RTEL1: variants seen among roughly 807,000 people sequenced by gnomAD.
RTEL1 encodes regulator of telomere length.
Under a neutral mutation model 162.2 loss-of-function variants are expected in RTEL1, and 86 were observed. That is an observed-to-expected ratio of 0.53 (90% CI 0.45 to 0.63). The LOEUF is 0.63. Among genes scored for constraint, RTEL1 ranks in the 30% least tolerant of loss-of-function variants. The pLI is 0.00. For synonymous variants in RTEL1, 958 were observed against 717.9 expected (o/e 1.33, Z -5.35); for missense variants, 1,941 against 1,750.2 (o/e 1.11, Z -1.95).
At chr20:63,660,462 A>G (rs2089996812) in intron 2 of RTEL1, among the ~76,000 whole-genome samples, 1 of 152,324 alleles carries the variant, frequency 6.6e-6, no homozygotes, top group South Asian at 2.1e-4. Flanking sequence ...CTGTAAACAT[A>G]TTGTTAACAA....
At chr20:63,681,486 G>T in intron 14 of RTEL1, 1 of 985,274 alleles carries the variant, frequency 1.0e-6, no homozygotes, top group Non-Finnish European at 1.2e-6. Flanking sequence ...CGAGATCATG[G>T]CAGGGTTAGG....
rs112453404 is a variant in RTEL1 at position 63,667,086 on chromosome 20, A to C, written c.615-383A>C. On this transcript the variant is annotated intron_variant, in intron 7 of 34. Transcript: ENST00000360203. ...GATCTTCTGACCTTGTGATCCGCCC[A>C]CCTCGGCCTCCCAAAGTGCTGGGAT... is the stretch of plus-strand genomic sequence containing the variant. Among the ~76,000 whole-genome samples the C allele has an allele frequency of 3.7e-5, 5 of 136,038 alleles. No individual in the cohort carries two copies. The East Asian group carries it at 9.0e-4, about 25-fold the overall frequency. 89.2% of individuals were successfully genotyped at this position (136,038 alleles called of 152,430 possible).
intron 21 of RTEL1, 109 bp from the exon 22 acceptor site, chr20:63,688,946 C>T (rs2090659032): frequency 9.9e-7 from 1 of 1,006,464 alleles, no homozygotes; most frequent in Admixed American, 1.9e-5. Flanking sequence ...ATTGGCCTTC[C>T]TGGCTAGGAC....
chr20:63,673,846 C>T (rs1338826167), intron 9 of RTEL1, 94 bp from the exon 10 acceptor site: 11 of 1,427,806 alleles, frequency 7.7e-6, no homozygotes, highest in Non-Finnish European at 1.0e-5. Context: ...GGCTGTCAGC[C>T]TCCTGTGCCT....
rs2090180009 is a variant in RTEL1, at chr20:63,668,275, G to A, written c.699+722G>A. 2.6e-5 allele frequency among the ~76,000 whole-genome samples: 4 copies of A among 152,188 alleles called. No homozygotes were observed. Among genetic ancestry groups the A allele is most frequent in the Non-Finnish European group, 5.9e-5 (4 of 68,042 alleles). Reference sequence around the variant, plus strand: ...ACGGGTCAATGGTTTGTGTGTTCACGTGACGATGGCGTGGTGACGTTTCCA... The same window carrying A: ...ACGGGTCAATGGTTTGTGTGTTCACATGACGATGGCGTGGTGACGTTTCCA... On this transcript the variant is annotated intron_variant, in intron 8 of 34. Transcript: ENST00000360203. The surrounding 1 kb of genome is among the most constrained non-coding windows in gnomAD (Gnocchi z 4.3).
intron 7 of RTEL1, among the ~76,000 whole-genome samples, chr20:63,666,917 G>A (rs1297569864): frequency 6.8e-6 from 1 of 146,006 alleles, no homozygotes; most frequent in African/African-American, 2.6e-5. Flanking sequence ...TCGGCTCACT[G>A]CAAGCTCCGC....
At chr20:63,693,483 A>AG (rs2090843079) in intron 30 of RTEL1, among the ~76,000 whole-genome samples, 200 bp downstream of exon 30, 1 of 35,850 alleles carries the variant, frequency 2.8e-5, no homozygotes, top group Non-Finnish European at 5.4e-5. Context: ...CTCCACCTCC[A>AG]CCACCACCTC....
chr20:63,694,578 C>A, intron 31 of RTEL1, 90 bp downstream of exon 31: 1 of 1,292,374 alleles, frequency 7.7e-7, no homozygotes, highest in Admixed American at 2.0e-5. Context: ...GCCGGGGCTG[C>A]CCCTGTGGGG....
intron 12 of RTEL1, among the ~76,000 whole-genome samples, chr20:63,679,040 T>C (rs2090429672): frequency 6.6e-6 from 1 of 152,194 alleles, no homozygotes; most frequent in Non-Finnish European, 1.5e-5. Context: ...CGAGACCTTC[T>C]TGTTAGGACG....
intron 33 of RTEL1, 40 bp from the exon 34 acceptor site, chr20:63,695,288 A>G (rs2090948341): frequency 6.3e-7 from 1 of 1,591,784 alleles, no homozygotes; most frequent in Admixed American, 1.7e-5. Context: ...GTGAGCAGCA[A>G]AGCCCCAGGC....
In RTEL1 at chr20:63,690,091, G is replaced by T. The variant is rs200003693; in HGVS notation, c.2146G>T (p.Ala716Ser). ...GAVFLCDHRF[A>S]FADARAQLPS... The stretch of plus-strand genomic sequence containing the variant: ...AGGGCTATGGCCACCCCCCAGGTTC[G>T]CCTTTGCCGACGCAAGAGCCCAACT... Residue 716 changes from alanine to serine, a missense_variant, in exon 25 of 35, where the codon GCC (alanine) becomes TCC (serine). Coordinates refer to ENST00000360203, the MANE Select transcript of RTEL1 (RefSeq NM_001283009.2). The T allele has an allele frequency of 2.5e-6, 4 of 1,610,972 alleles. No individual in the cohort carries two copies. The highest frequency in any genetic ancestry group is 2.2e-5 in the South Asian group (2 of 91,074).
intron 5 of RTEL1, 97 bp from the exon 6 acceptor site, chr20:63,662,732 C>T: frequency 6.3e-7 from 1 of 1,596,808 alleles, no homozygotes. Context: ...TTGAAGTTCA[C>T]TGGGGGACTG....
In RTEL1 at chr20:63,668,112, C is replaced by T. The variant is rs1569086258; in HGVS notation, c.699+559C>T. ...CCCCGTGTGCCCAGCCCCACGCTCA[C>T]TCCCCCCGCCAGCATGTGCCCGGCC... On this transcript the variant is annotated intron_variant, in intron 8 of 34. Coordinates refer to ENST00000360203, the MANE Select transcript of RTEL1 (RefSeq NM_001283009.2). The surrounding 1 kb of genome is among the most constrained non-coding windows in gnomAD (Gnocchi z 4.3). 6.6e-6 allele frequency among the ~76,000 whole-genome samples: 1 copy of T among 151,754 alleles called. No individual in the cohort carries two copies. The highest frequency in any genetic ancestry group is 1.5e-5 in the Non-Finnish European group (1 of 67,916).
chr20:63,682,628 C>G, intron 14 of RTEL1: 1 of 985,848 alleles, frequency 1.0e-6, no homozygotes, highest in Non-Finnish European at 1.2e-6. Flanking sequence ...GCACACAGTG[C>G]TCACCCGCGT....
chr20:63,684,606 G>A (rs2090550232), intron 14 of RTEL1, among the ~76,000 whole-genome samples: 1 of 152,124 alleles, frequency 6.6e-6, no homozygotes, highest in Admixed American at 6.5e-5. Context: ...GCCTCCCAAA[G>A]TGCTGGGATT....
chr20:63,678,892 C>CACGGA (rs2090426914), intron 12 of RTEL1, among the ~76,000 whole-genome samples: 3 of 137,340 alleles, frequency 2.2e-5, no homozygotes, highest in African/African-American at 1.1e-4. Context: ...CACACACTCC[C>CACGGA]ACAGACAGCA....
At chr20:63,691,346 A>T (rs6011033) in intron 27 of RTEL1, among the ~76,000 whole-genome samples, 1 of 152,016 alleles carries the variant, frequency 6.6e-6, no homozygotes, top group Non-Finnish European at 1.5e-5. Context: ...CCAGAAGCCC[A>T]TAATTCCTCA....
Position 63,661,760 on chromosome 20 carries a change from A to G in RTEL1, c.302-90A>G, listed in dbSNP as rs1360197654. 22 of 1,181,662 alleles carry G rather than the reference A, an allele frequency of 1.9e-5. No individual in the cohort carries two copies. The highest frequency in any genetic ancestry group is 2.5e-5 in the Non-Finnish European group (20 of 792,240). The allele number at this position is 1,181,662 out of a possible 1,614,324, so 73.2% of individuals were successfully genotyped here. A position where few individuals can be genotyped will look rare whatever the true frequency, so the allele number is the denominator to read the frequency against. ...GGGTGTCAGATTCTTGGCTGTCTGC[A>G]GGGCCGAGTTAGCCGAATGCCACCT... On this transcript the variant is annotated intron_variant, in intron 3 of 34. Transcript: ENST00000360203. This position sits in a 1 kb window ranked among gnomAD's most constrained non-coding sequence, Gnocchi z 5.1.
intron 2 of RTEL1, among the ~76,000 whole-genome samples, chr20:63,660,198 G>A (rs1455909818): frequency 1.3e-5 from 2 of 152,212 alleles, no homozygotes; most frequent in African/African-American, 4.8e-5. Context: ...GGAGACAGTG[G>A]CCTTCCTCTA....
Sources: allele counts gnomAD v4.1 joint callset (sites outside exome capture counted in the v4.1 genomes callset), GRCh38; gene constraint gnomAD v4.1.1; non-coding constraint Gnocchi (gnomAD v3.1); transcripts MANE v1.5; gene names NCBI Gene and HGNC (gene_info 2026-07-23, HGNC 2026-07-21).